Variants in RAPH1 observed in about 807,000 individuals in gnomAD.
The protein encoded by RAPH1 is Ras association (RalGDS/AF-6) and pleckstrin homology domains 1.
RAPH1 carries 18 observed loss-of-function variants against 88.1 expected under a neutral mutation model. The ratio of observed to expected loss-of-function variants is 0.20; its 90% CI spans 0.14 to 0.30. RAPH1 has a LOEUF of 0.30. RAPH1 is among the 10% of genes least tolerant of loss of function. The pLI is 1.00. For synonymous variants in RAPH1, 587 were observed against 559.0 expected (o/e 1.05, Z -0.71); for missense variants, 1,448 against 1,543.2 (o/e 0.94, Z 1.03).
Position 203,444,666 on chromosome 2 carries a change from A to G in RAPH1, c.1776+202T>C, listed in dbSNP as rs185971386. 4.9e-5 allele frequency: 22 copies of G among 445,168 alleles called. 1 individual carries two copies. In the Middle Eastern group the frequency reaches 1.7e-3, roughly 34 times the overall value. The allele number at this position is 445,168 out of a possible 1,614,324, so 27.6% of individuals were successfully genotyped here. A position where few individuals can be genotyped will look rare whatever the true frequency, so the allele number is the denominator to read the frequency against. On this transcript the variant is annotated intron_variant, in intron 13 of 13. Transcript: ENST00000319170. ...TTTTAAGTCATTAGAGCCAATTTGT[A>G]AAATACTCATTTCCAAGGGGAAGTC... is the stretch of plus-strand genomic sequence containing the variant.
At chr2:203,460,654 T>C (rs748203906) in intron 6 of RAPH1, among the ~76,000 whole-genome samples, 1 of 151,568 alleles carries the variant, frequency 6.6e-6, no homozygotes, top group South Asian at 2.1e-4. Flanking sequence ...CCAGTTCTTA[T>C]TTGAAAAAAA....
intron 4 of RAPH1, among the ~76,000 whole-genome samples, chr2:203,488,299 T>C (rs1688063373): frequency 6.6e-6 from 1 of 151,998 alleles, no homozygotes; most frequent in African/African-American, 2.4e-5. Context: ...AAGGCAGATA[T>C]AGTATTACGA....
At chr2:203,475,926 A>G (rs1418918035) in intron 4 of RAPH1, among the ~76,000 whole-genome samples, 1 of 151,984 alleles carries the variant, frequency 6.6e-6, no homozygotes, top group Non-Finnish European at 1.5e-5. Context: ...TTTCTCCTTC[A>G]TAGGTGTTGG....
rs977035501 is a variant in RAPH1, at chr2:203,506,850, C to A, written c.1-11497G>T. 3.5e-3 allele frequency among the ~76,000 whole-genome samples: 267 copies of A among 75,286 alleles called. 1 individual carries two copies. Among genetic ancestry groups the A allele is most frequent in the Middle Eastern group, 7.0e-3 (1 of 142 alleles). The allele number at this position is 75,286 out of a possible 152,430, so 49.4% of individuals were successfully genotyped here. Reference sequence around the variant, plus strand: ...TATATATCTATATCTATATATCTATCTATATCTATATATATATATATATAT... The same window carrying A: ...TATATATCTATATCTATATATCTATATATATCTATATATATATATATATAT... On this transcript the variant is annotated intron_variant, in intron 1 of 13. Transcript: ENST00000319170.
rs940332496 is a variant in RAPH1, at chr2:203,440,630, G to A, written c.2560C>T (p.Pro854Ser). The A allele has an allele frequency of 4.5e-6, 7 of 1,556,794 alleles. No homozygotes were observed. The African/African-American group carries it at 8.2e-5, about 18-fold the overall frequency. The change falls in exon 14 of 14, where the codon CCA becomes TCA. Residue 854 changes from proline (P) to serine (S), a missense_variant. By Grantham distance (74) the Pro-to-Ser change is moderately conservative. Transcript: ENST00000319170. ...ACGACCGAGGGCACCGGTGACAGTGGAGAGGGAGGGGGTTTTGCACAGAAG... is the reference window on the plus strand; with the variant it reads ...ACGACCGAGGGCACCGGTGACAGTGAAGAGGGAGGGGGTTTTGCACAGAAG... ...QSFCAKPPPS[P>S]LSPVPSVVKQ...
intron 1 of RAPH1, among the ~76,000 whole-genome samples, chr2:203,511,360 A>C (rs956962837): frequency 6.6e-6 from 1 of 152,164 alleles, no homozygotes; most frequent in African/African-American, 2.4e-5. Context: ...TAATTTCCCT[A>C]TCAATAGAAG....
intron 1 of RAPH1, among the ~76,000 whole-genome samples, chr2:203,531,385 A>G (rs1424625258): frequency 6.7e-6 from 1 of 149,970 alleles, no homozygotes; most frequent in African/African-American, 2.5e-5. Context: ...GCATATGTAC[A>G]TCAGAACTTG....
At chr2:203,476,670 A>G (rs1687469294) in intron 4 of RAPH1, among the ~76,000 whole-genome samples, 1 of 152,230 alleles carries the variant, frequency 6.6e-6, no homozygotes, top group African/African-American at 2.4e-5. Flanking sequence ...AAAAAAAATG[A>G]CCAAAGAATA....
intron 4 of RAPH1, among the ~76,000 whole-genome samples, chr2:203,486,511 A>C (rs543384839): frequency 5.3e-5 from 8 of 152,192 alleles, no homozygotes; most frequent in Non-Finnish European, 1.0e-4. Flanking sequence ...AAAGAAAATC[A>C]AGAAATGGCA....
At chr2:203,442,098 A>T in intron 13 of RAPH1, 1 of 1,592,506 alleles carries the variant, frequency 6.3e-7, no homozygotes, top group Non-Finnish European at 8.5e-7. Flanking sequence ...ATACATAAAG[A>T]AATGCTTTGT....
chr2:203,445,093 T>C (rs2098508308), intron 12 of RAPH1, 83 bp from the exon 13 acceptor site: 1 of 1,288,840 alleles, frequency 7.8e-7, no homozygotes. Context: ...TTAGATCTTT[T>C]ACACAAGGTC....
intron 4 of RAPH1, among the ~76,000 whole-genome samples, chr2:203,483,260 C>A (rs189973393): frequency 1.2e-4 from 19 of 152,248 alleles, no homozygotes; most frequent in Admixed American, 6.5e-4. Flanking sequence ...AAGGTGAATG[C>A]AGAAAGACCA....
intron 1 of RAPH1, among the ~76,000 whole-genome samples, chr2:203,532,905 C>T: frequency 6.6e-6 from 1 of 152,160 alleles, no homozygotes; most frequent in East Asian, 1.9e-4. Context: ...ATTAACAATA[C>T]TAATGTTGAC....
At chr2:203,476,422 C>T (rs530321325) in intron 4 of RAPH1, among the ~76,000 whole-genome samples, 1 of 152,242 alleles carries the variant, frequency 6.6e-6, no homozygotes, top group South Asian at 2.1e-4. Flanking sequence ...CTGCCCACCT[C>T]GGCCTCCCAA....
intron 10 of RAPH1, among the ~76,000 whole-genome samples, chr2:203,454,153 A>C (rs1379736792): frequency 1.3e-5 from 2 of 152,230 alleles, no homozygotes; most frequent in Non-Finnish European, 2.9e-5. Flanking sequence ...GCCTGGTGTT[A>C]AATGAGAATC....
At chr2:203,461,526 A>G (rs1420546902) in intron 5 of RAPH1, 118 bp from the exon 6 acceptor site, 1 of 734,890 alleles carries the variant, frequency 1.4e-6, no homozygotes, top group Non-Finnish European at 2.0e-6. Context: ...TAAAACACAA[A>G]TAATGACTTC....
intron 13 of RAPH1, chr2:203,443,632 A>C (rs1271488350): frequency 6.7e-6 from 1 of 148,472 alleles, no homozygotes; most frequent in Non-Finnish European, 1.5e-5. Flanking sequence ...AAGAAATGGC[A>C]AAAGCATTAA....
intron 1 of RAPH1, among the ~76,000 whole-genome samples, chr2:203,500,789 T>C (rs564989615): frequency 5.3e-5 from 8 of 152,332 alleles, no homozygotes; most frequent in African/African-American, 1.9e-4. Context: ...AGTACTAGAA[T>C]GAGTACTCCT....
rs2098495211 is a variant in RAPH1 at position 203,433,834 on chromosome 2, T to A, written c.*5603A>T. 7.7e-6 allele frequency: 1 copy of A among 129,718 alleles called. No homozygotes were observed. Among genetic ancestry groups the A allele is most frequent in the African/African-American group, 2.6e-5 (1 of 38,054 alleles). 8.0% of individuals were successfully genotyped at this position (129,718 alleles called of 1,614,324 possible). ...CCCATGTTTAAATGAAATCTATGAA[T>A]TTTTTTTATTAAGGATTTGATAAGC... is the stretch of plus-strand genomic sequence containing the variant. On this transcript the variant is annotated 3_prime_UTR_variant, in exon 14 of 14. Coordinates refer to ENST00000319170, the MANE Select transcript of RAPH1 (RefSeq NM_213589.3).
Sources: gnomAD v4.1 joint callset for allele counts (sites outside exome capture counted in the v4.1 genomes callset) on GRCh38, gnomAD v4.1.1 for gene constraint, MANE v1.5 for transcripts, NCBI Gene and HGNC (gene_info 2026-07-23, HGNC 2026-07-21) for gene names.